AGL: variants seen among roughly 807,000 people sequenced by gnomAD.
The protein encoded by AGL is amylo-alpha-1,6-glucosidase and 4-alpha-glucanotransferase, also known as glycogen debranching enzyme.
Under a neutral mutation model 199.3 loss-of-function variants are expected in AGL, and 128 were observed. The observed-to-expected ratio is 0.64, with a 90% CI of 0.56 to 0.74. The LOEUF is 0.74. Among genes scored for constraint, AGL ranks in the 30% least tolerant of loss-of-function variants. The pLI is 0.00. For synonymous variants in AGL, 584 were observed against 594.7 expected, an observed-to-expected ratio of 0.98 and a Z score of 0.26; for missense variants, 1,809 against 1,820.8, an observed-to-expected ratio of 0.99 and a Z score of 0.12.
At chr1:99,903,804 C>T (rs1466823633) in intron 27 of AGL, among the ~76,000 whole-genome samples, 1 of 152,128 alleles carries the variant, frequency 6.6e-6, no homozygotes, top group Non-Finnish European at 1.5e-5. Flanking sequence ...CCTGTTGTTT[C>T]CTGACTTTTT....
intron 20 of AGL, among the ~76,000 whole-genome samples, 193 bp from the exon 21 acceptor site, chr1:99,887,785 T>C (rs1652561532): frequency 6.6e-6 from 1 of 152,202 alleles, no homozygotes; most frequent in South Asian, 2.1e-4. Flanking sequence ...TCGCTTCTAA[T>C]TGAATTTTTT....
intron 2 of AGL, among the ~76,000 whole-genome samples, chr1:99,860,281 A>AT (rs1649926023): frequency 1.3e-5 from 2 of 151,792 alleles, no homozygotes; most frequent in South Asian, 4.1e-4. Flanking sequence ...AATATATATT[A>AT]AATAGGTAAA....
At chr1:99,857,301 G>A (rs1386595158) in intron 2 of AGL, among the ~76,000 whole-genome samples, 21 of 151,636 alleles carry the variant, frequency 1.4e-4, no homozygotes, top group East Asian at 5.9e-4. Flanking sequence ...GATGGCGGCC[G>A]GGAAGAGGTG....
intron 4 of AGL, among the ~76,000 whole-genome samples, chr1:99,863,748 CTT>C (rs11372707): frequency 2.1e-4 from 25 of 118,852 alleles, no homozygotes; most frequent in Admixed American, 5.5e-4. Flanking sequence ...TGCGCCTGGC[CTT>C]TTTTTTTTTT....
At chr1:99,852,604 G>T in intron 2 of AGL, 1 of 717,102 alleles carries the variant, frequency 1.4e-6, no homozygotes, top group East Asian at 2.6e-5. Context: ...TTGAACTCCT[G>T]GACTCAAGCA....
chr1:99,868,078 CA>C, intron 5 of AGL, among the ~76,000 whole-genome samples: 1 of 152,242 alleles, frequency 6.6e-6, no homozygotes. Context: ...AAATTATTTT[CA>C]CCAGTTAAAT....
chr1:99,916,297 A>C, intron 31 of AGL, 113 bp from the exon 32 acceptor site: 1 of 846,032 alleles, frequency 1.2e-6, no homozygotes, highest in Non-Finnish European at 1.9e-6. Flanking sequence ...CTTATTCTGT[A>C]GAAGACAAAA....
chr1:99,877,655 C>T lies in AGL; in HGVS notation c.1438C>T (p.Leu480=). The T allele has an allele frequency of 6.2e-7, 1 of 1,613,874 alleles. No homozygotes were observed. The highest frequency in any genetic ancestry group is 8.5e-7 in the Non-Finnish European group (1 of 1,179,934). ...TTTCTGAACAGGTTCAGAAGTTTAC[C>T]TAAGGAGAGAACTTATTTGCTGGGG... ...NFAEPGSEVY[L]RRELICWGDS... is the part of the protein sequence containing the mutation. The change falls in exon 12 of 34, where the codon CTA becomes TTA. Residue 480 remains leucine, a synonymous_variant. Coordinates refer to ENST00000361915, the MANE Select transcript of AGL (RefSeq NM_000642.3).
At position 99,856,306 on chromosome 1, in the gene AGL, TCCTCCCTCCCTC is replaced by T. The variant is rs1389429578; in HGVS notation, c.82+5186_83-5182del. On this transcript the variant is annotated intron_variant, in intron 2 of 33. Transcript: ENST00000361915. ...GAAAATATAACATCCCTTCCTTCCT[TCCTCCCTCCCTC>T]CCTTCCTTCCTCCCTCCCTCCCTCC... Among the ~76,000 whole-genome samples the T allele has an allele frequency of 1.3e-4, 7 of 55,622 alleles. No homozygotes were observed. The East Asian group carries it at 3.4e-3, about 27-fold the overall frequency. The allele number at this position is 55,622 out of a possible 152,430, so 36.5% of individuals were successfully genotyped here.
intron 30 of AGL, 56 bp from the exon 31 acceptor site, chr1:99,915,333 G>A (rs968787710): frequency 8.5e-5 from 115 of 1,357,226 alleles, no homozygotes; most frequent in Middle Eastern, 1.8e-4. Flanking sequence ...CTGTGGGTAG[G>A]AACTAATTCT....
chr1:99,862,148 A>G (rs965092471), intron 3 of AGL, 109 bp from the exon 4 acceptor site: 3 of 1,134,930 alleles, frequency 2.6e-6, no homozygotes, highest in African/African-American at 1.6e-5. Flanking sequence ...TTAGAAATAA[A>G]TACATTTTAT....
rs770913139 is a variant in AGL at position 99,861,628 on chromosome 1, C to T, written c.208C>T (p.Pro70Ser). ...ATTCCGTTCTCTGGATTGGGAAAAT[C>T]CAACAGAAAGAGAAGATGATTCTGA... ...EKFRSLDWENPTEREDDSDKY... is the reference protein window; with the variant it reads ...EKFRSLDWENSTEREDDSDKY... The change falls in exon 3 of 34, where the codon CCA becomes TCA. Residue 70 changes from proline to serine, a missense_variant. Physicochemically the swap from Pro to Ser is moderately conservative, Grantham distance 74. Coordinates refer to ENST00000361915, the MANE Select transcript of AGL (RefSeq NM_000642.3). 6.2e-7 allele frequency: 1 copy of T among 1,613,660 alleles called. No homozygotes were observed. Among genetic ancestry groups the T allele is most frequent in the Non-Finnish European group, 8.5e-7 (1 of 1,179,702 alleles).
chr1:99,874,857 C>T (rs777670922), intron 8 of AGL, 47 bp downstream of exon 8: 5 of 1,588,044 alleles, frequency 3.1e-6, no homozygotes, highest in Admixed American at 3.3e-5. Flanking sequence ...TACTTACAAA[C>T]CTTTATGGCT....
In AGL at chr1:99,892,492, T is replaced by C. The variant is rs780770131; in HGVS notation, c.3144T>C (p.Cys1048=). ...KHLSLGSVQL[C]GVGKFPSLPI... The stretch of plus-strand genomic sequence containing the variant: ...TTTCATTGGGTTCAGTTCAACTGTG[T>C]GGAGTAGGAAAATTCCCTTCCCTGC... Residue 1048 remains cysteine (C), a synonymous_variant, in exon 24 of 34, where the codon TGT becomes TGC. Transcript: ENST00000361915. The C allele has an allele frequency of 1.8e-5, 29 of 1,613,536 alleles. No homozygotes were observed. Among genetic ancestry groups the C allele is most frequent in the Non-Finnish European group, 2.5e-5 (29 of 1,179,708 alleles).
chr1:99,874,884 T>C, intron 8 of AGL, 74 bp downstream of exon 8: 1 of 1,520,884 alleles, frequency 6.6e-7, no homozygotes, highest in Non-Finnish European at 9.1e-7. Context: ...ATTTTCATAC[T>C]ACTTATTAAA....
chr1:99,900,836 C>G lies in AGL; in HGVS notation c.3563C>G (p.Ser1188Cys). 1 of 1,612,374 alleles carries G rather than the reference C, an allele frequency of 6.2e-7. No homozygotes were observed. Among genetic ancestry groups the G allele is most frequent in the Non-Finnish European group, 8.5e-7 (1 of 1,179,172 alleles). Residue 1188 changes from serine to cysteine, a missense_variant, in exon 26 of 34, where the codon TCT becomes TGT. Ser to Cys is a moderately radical substitution (Grantham distance 112). Coordinates refer to ENST00000361915, the MANE Select transcript of AGL (RefSeq NM_000642.3). ...TCCAGAATGTATCCTACAGATGATT[C>G]TGCTCCTTTGCCTGCTGGCACACTG... ...PVSRMYPTDD[S>C]APLPAGTLDQ...
intron 5 of AGL, among the ~76,000 whole-genome samples, chr1:99,867,940 G>C (rs917179042): frequency 6.6e-6 from 1 of 152,176 alleles, no homozygotes. Context: ...AGAACACTGG[G>C]AACCCATTTG....
intron 21 of AGL, among the ~76,000 whole-genome samples, chr1:99,888,907 C>A (rs1368132905): frequency 6.6e-6 from 1 of 152,116 alleles, no homozygotes; most frequent in African/African-American, 2.4e-5. Context: ...CTCCAGACAC[C>A]ATTGCATTTA....
chr1:99,912,669 T>A, intron 29 of AGL, 152 bp downstream of exon 29: 1 of 684,982 alleles, frequency 1.5e-6, no homozygotes, highest in Non-Finnish European at 2.4e-6. Flanking sequence ...GTGAAAATTG[T>A]AACAATTCTA....
Sources: allele counts gnomAD v4.1 joint callset (sites outside exome capture counted in the v4.1 genomes callset), GRCh38; gene constraint gnomAD v4.1.1; transcripts MANE v1.5; gene names NCBI Gene and HGNC (gene_info 2026-07-23, HGNC 2026-07-21).